The following RBFOX1 variants were observed in gnomAD, a reference collection of about 807,000 sequenced individuals.
The protein encoded by RBFOX1 is RNA binding fox-1 homolog 1, also known as RNA binding protein fox-1 homolog 1.
Under a neutral mutation model 57.7 loss-of-function variants are expected in RBFOX1, and 8 were observed. The observed-to-expected ratio is 0.14, with a 90% CI of 0.08 to 0.25. The LOEUF (loss-of-function observed/expected upper bound fraction) is 0.25, where lower values mean the gene tolerates loss of function less well. Among genes scored for constraint, RBFOX1 ranks in the 10% least tolerant of loss-of-function variants. The probability of loss-of-function intolerance (pLI) is 1.00; values close to 1 mark genes in which losing one functional copy is unlikely to be tolerated. For missense variants in RBFOX1, 611 were observed against 548.5 expected, an observed-to-expected ratio of 1.11 and a Z score of -1.14; for synonymous variants, 326 against 222.4, an observed-to-expected ratio of 1.47 and a Z score of -4.15.
chr16:7,657,521 T>A (rs2066610910), intron 12 of RBFOX1, among the ~76,000 whole-genome samples: 1 of 152,206 alleles, frequency 6.6e-6, no homozygotes, highest in Non-Finnish European at 1.5e-5. Context: ...GCCAGGCTGG[T>A]CTTGAACTCC....
At chr16:6,520,797 AC>A (rs1036149998) in intron 2 of RBFOX1, among the ~76,000 whole-genome samples, 2 of 152,130 alleles carry the variant, frequency 1.3e-5, no homozygotes, top group African/African-American at 4.8e-5. Flanking sequence ...TGCTTAATTA[AC>A]CCCACAAAGC....
At chr16:5,432,537 G>GTTTTTTTTTTTTTTTT (rs796803782) in intron 1 of RBFOX1, among the ~76,000 whole-genome samples, 1 of 109,478 alleles carries the variant, frequency 9.1e-6, no homozygotes, top group Non-Finnish European at 2.0e-5. Flanking sequence ...CAACTGGGGA[G>GTTTTTTTTTTTTTTTT]TTTTTTTTTT....
chr16:6,577,307 A>G (rs1356294153), intron 2 of RBFOX1: 16 of 152,212 alleles, frequency 1.1e-4, no homozygotes, highest in Middle Eastern at 3.2e-3. Flanking sequence ...ATCTGAAGTG[A>G]TATCAGTGGA....
chr16:5,341,186 T>C (rs571357406), intron 1 of RBFOX1, among the ~76,000 whole-genome samples: 1 of 152,050 alleles, frequency 6.6e-6, no homozygotes, highest in East Asian at 1.9e-4. Context: ...CTGGAGAGGG[T>C]AGCAGGGACC....
At chr16:5,424,983 CTTTTCT>C (rs753178224) in intron 1 of RBFOX1, among the ~76,000 whole-genome samples, 5 of 25,570 alleles carry the variant, frequency 2.0e-4, no homozygotes, top group Admixed American at 5.4e-4. Context: ...TCTTTCTTTT[CTTTTCT>C]TTTCTTTTCT....
intron 3 of RBFOX1, among the ~76,000 whole-genome samples, chr16:5,814,679 A>G (rs1269609482): frequency 6.6e-6 from 1 of 152,226 alleles, no homozygotes; most frequent in Non-Finnish European, 1.5e-5. Flanking sequence ...CTGTAATCCC[A>G]GCACTTTGGG....
intron 3 of RBFOX1, among the ~76,000 whole-genome samples, chr16:7,046,104 C>G (rs1375745047): frequency 1.4e-5 from 2 of 147,214 alleles, no homozygotes; most frequent in African/African-American, 5.3e-5. Context: ...AGTTTGAAAA[C>G]TACAGAAAGC....
chr16:5,741,138 A>G (rs1052182068), intron 3 of RBFOX1, among the ~76,000 whole-genome samples: 3 of 152,200 alleles, frequency 2.0e-5, no homozygotes, highest in Non-Finnish European at 4.4e-5. Flanking sequence ...GTCCAGTGTC[A>G]TCTATGGCCA....
chr16:7,271,247 A>C (rs1053260297), intron 4 of RBFOX1, among the ~76,000 whole-genome samples: 2 of 151,610 alleles, frequency 1.3e-5, no homozygotes, highest in Non-Finnish European at 2.9e-5. Flanking sequence ...GTGTTTCCTA[A>C]TGTTTGATCT....
chr16:7,407,771 T>C (rs2148991943), intron 4 of RBFOX1, among the ~76,000 whole-genome samples: 1 of 152,326 alleles, frequency 6.6e-6, no homozygotes, highest in African/African-American at 2.4e-5. Flanking sequence ...TCTTCATAGA[T>C]TCAGTCTATT....
intron 2 of RBFOX1, among the ~76,000 whole-genome samples, chr16:5,487,711 T>C (rs2042676750): frequency 6.6e-6 from 1 of 152,212 alleles, no homozygotes; most frequent in Non-Finnish European, 1.5e-5. Context: ...CTCATGTCTA[T>C]CTTCCAGGCA....
chr16:6,063,969 A>G (rs1341958722), intron 1 of RBFOX1, among the ~76,000 whole-genome samples: 1 of 152,204 alleles, frequency 6.6e-6, no homozygotes, highest in Non-Finnish European at 1.5e-5. Context: ...ATTTAACCAC[A>G]TGATTATATC....
At chr16:6,450,770 T>TATATATATACATATATATATACAC (rs2094577106) in intron 2 of RBFOX1, among the ~76,000 whole-genome samples, 3 of 19,908 alleles carry the variant, frequency 1.5e-4, no homozygotes, top group African/African-American at 1.3e-3. Context: ...TATATGTGTA[T>TATATATATACATATATATATACAC]ATATATATAT....
chr16:5,772,231 A>G (rs1418691105), intron 3 of RBFOX1, among the ~76,000 whole-genome samples: 1 of 152,102 alleles, frequency 6.6e-6, no homozygotes, highest in Admixed American at 6.6e-5. Flanking sequence ...TGGGGCAGAG[A>G]CTCACCGGTT....
At chr16:7,209,993 C>T (rs1006506696) in intron 4 of RBFOX1, among the ~76,000 whole-genome samples, 2 of 152,142 alleles carry the variant, frequency 1.3e-5, no homozygotes, top group East Asian at 3.9e-4. Context: ...ATTAAACTGC[C>T]TTGCCTCTAA....
chr16:6,899,303 G>T (rs951071772), intron 3 of RBFOX1, among the ~76,000 whole-genome samples: 22 of 152,154 alleles, frequency 1.4e-4, no homozygotes, highest in African/African-American at 5.3e-4. Context: ...ATATGTGTAT[G>T]CATGTGTATG....
At chr16:7,103,692 G>A (rs1028821147) in intron 4 of RBFOX1, among the ~76,000 whole-genome samples, 14 of 152,162 alleles carry the variant, frequency 9.2e-5, no homozygotes, top group Non-Finnish European at 1.3e-4. Context: ...TTAAAGAAAC[G>A]TAAATAATAA....
chr16:5,370,025 G>T (rs1481805436), intron 1 of RBFOX1, among the ~76,000 whole-genome samples: 1 of 152,114 alleles, frequency 6.6e-6, no homozygotes, highest in Non-Finnish European at 1.5e-5. Context: ...GAGCTTCCTT[G>T]TCTGCATCTA....
intron 1 of RBFOX1, among the ~76,000 whole-genome samples, chr16:5,463,250 C>G (rs968174954): frequency 1.3e-5 from 2 of 151,952 alleles, no homozygotes; most frequent in Admixed American, 1.3e-4. Flanking sequence ...TTTTATAAAT[C>G]CAACTGACAC....
Sources: allele counts gnomAD v4.1 joint callset (sites outside exome capture counted in the v4.1 genomes callset), GRCh38; gene constraint gnomAD v4.1.1; transcripts MANE v1.5; gene names NCBI Gene and HGNC (gene_info 2026-07-23, HGNC 2026-07-21).